Variants in BMPR1A observed in about 807,000 individuals in gnomAD.
BMPR1A encodes the protein bone morphogenetic protein receptor type 1A, also known as bone morphogenetic protein receptor type-1A.
BMPR1A carries 7 observed loss-of-function variants against 66.0 expected under a neutral mutation model. The ratio of observed to expected loss-of-function variants is 0.11; its 90% CI spans 0.06 to 0.20. The LOEUF (loss-of-function observed/expected upper bound fraction) is 0.20, where lower values mean the gene tolerates loss of function less well. Ranked by LOEUF, BMPR1A falls within the 10% of genes least tolerant of loss-of-function variation. The pLI, the probability that BMPR1A is intolerant of heterozygous loss-of-function variation, is 1.00. For synonymous variants in BMPR1A, 200 were observed against 229.7 expected, an observed-to-expected ratio of 0.87 and a Z score of 1.17; for missense variants, 408 against 669.1, an observed-to-expected ratio of 0.61 and a Z score of 4.31.
chr10:86,823,108 A>G (rs1369026452), intron 1 of BMPR1A, among the ~76,000 whole-genome samples: 3 of 152,206 alleles, frequency 2.0e-5, no homozygotes, highest in Middle Eastern at 3.2e-3. Flanking sequence ...TCTTAAATCA[A>G]CCAGCAAGTG....
chr10:86,861,397 A>G (rs995937811), intron 2 of BMPR1A, among the ~76,000 whole-genome samples: 2 of 152,154 alleles, frequency 1.3e-5, no homozygotes, highest in African/African-American at 4.8e-5. Context: ...AGAATTGTTA[A>G]AAATCTATTT....
At chr10:86,881,303 G>T (rs1237730510) in intron 3 of BMPR1A, among the ~76,000 whole-genome samples, 1 of 152,162 alleles carries the variant, frequency 6.6e-6, no homozygotes, top group African/African-American at 2.4e-5. Context: ...CATTAATTTT[G>T]AAAACTGGTA....
At chr10:86,931,298 C>CACACATATATATATATAT, downstream of BMPR1A, 22 of 90,906 alleles carry the variant, frequency 2.4e-4, no homozygotes, top group African/African-American at 9.2e-4. Flanking sequence ...CACACACACA[C>CACACATATATATATATAT]ATATATATAT....
intron 9 of BMPR1A, 53 bp downstream of exon 9, chr10:86,917,379 C>T: frequency 1.3e-6 from 2 of 1,595,838 alleles, no homozygotes; most frequent in Non-Finnish European, 8.6e-7. Flanking sequence ...TAGTGAGGTA[C>T]AGGTGGAAGC....
intron 2 of BMPR1A, among the ~76,000 whole-genome samples, chr10:86,866,226 T>G (rs1277807459): frequency 6.6e-6 from 1 of 151,084 alleles, no homozygotes; most frequent in African/African-American, 2.4e-5. Context: ...GGGAGCTTTT[T>G]TTTTTTTTTT....
intron 5 of BMPR1A, among the ~76,000 whole-genome samples, chr10:86,899,204 G>A (rs1411345321): frequency 2.6e-5 from 4 of 152,322 alleles, no homozygotes; most frequent in Admixed American, 2.0e-4. Context: ...GTGCTGCTGC[G>A]CTTCCAGTGA....
Position 86,927,685 on chromosome 10 carries a change from A to G in BMPR1A, c.*3966A>G, listed in dbSNP as rs1843762819. 1 of 198,580 alleles carries G rather than the reference A, an allele frequency of 5.0e-6. No individual in the cohort carries two copies. The highest frequency in any genetic ancestry group is 1.0e-5 in the Non-Finnish European group (1 of 96,242). The allele number at this position is 198,580 out of a possible 1,614,324, so 12.3% of individuals were successfully genotyped here. On this transcript the variant is annotated 3_prime_UTR_variant, in exon 13 of 13. Coordinates refer to ENST00000372037, the MANE Select transcript of BMPR1A (RefSeq NM_004329.3). The stretch of plus-strand genomic sequence containing the variant: ...TAGTGACCTTTGTCCTGGCCCATTT[A>G]AAAACTAAAATGTAGTATATATTGT...
rs1748716079 is a variant in BMPR1A, at chr10:86,835,172, C to A, written c.-267-3693C>A. Among the ~76,000 whole-genome samples, 3 of 150,180 alleles carry A rather than the reference C, an allele frequency of 2.0e-5. No homozygotes were observed. In the Admixed American group the frequency reaches 2.0e-4, roughly 10 times the overall value. The stretch of plus-strand genomic sequence containing the variant: ...ATCCTTAGAGCCTGGAAGGTCAAGG[C>A]TGCTGTGAGCCATGACCGTGCCACT... On this transcript the variant is annotated intron_variant, in intron 1 of 12. Transcript: ENST00000372037.
chr10:86,761,222 A>G (rs1202285016), intron 1 of BMPR1A, among the ~76,000 whole-genome samples: 2 of 152,222 alleles, frequency 1.3e-5, no homozygotes, highest in East Asian at 1.9e-4. Flanking sequence ...ATGAGTAGAC[A>G]TTGAATAGAT....
intron 2 of BMPR1A, among the ~76,000 whole-genome samples, chr10:86,867,597 TTTG>T (rs766283900): frequency 7.2e-5 from 11 of 152,328 alleles, no homozygotes; most frequent in South Asian, 6.2e-4. Flanking sequence ...TTGTGAGACT[TTTG>T]TTGTTGTTGT....
At chr10:86,857,612 G>A (rs1842658655) in intron 2 of BMPR1A, among the ~76,000 whole-genome samples, 1 of 152,050 alleles carries the variant, frequency 6.6e-6, no homozygotes, top group African/African-American at 2.4e-5. Flanking sequence ...CTGAAAGCCT[G>A]ACTCGGGGAG....
intron 1 of BMPR1A, among the ~76,000 whole-genome samples, chr10:86,829,291 A>G (rs1419460245): frequency 1.3e-5 from 2 of 152,178 alleles, no homozygotes; most frequent in East Asian, 3.8e-4. Context: ...TATATCTCGT[A>G]TAGTCCTTGA....
At position 86,923,490 on chromosome 10, in the gene BMPR1A, G is replaced by A. The variant is rs752802257; in HGVS notation, c.1457G>A (p.Arg486Gln). 8 of 1,614,010 alleles carry A rather than the reference G, an allele frequency of 5.0e-6. No homozygotes were observed. The highest frequency in any genetic ancestry group is 4.4e-5 in the South Asian group (4 of 91,092). Reference sequence around the variant, plus strand: ...CGTTTGCGGCCAATTGTGTCTAATCGGTGGAACAGTGATGAAGTGAGTGGA... The same window carrying A: ...CGTTTGCGGCCAATTGTGTCTAATCAGTGGAACAGTGATGAAGTGAGTGGA... ...VKRLRPIVSNRWNSDECLRAV... is the reference protein window; with the variant it reads ...VKRLRPIVSNQWNSDECLRAV... Residue 486 changes from arginine (R) to glutamine (Q), a missense_variant, in exon 12 of 13, where the codon CGG (arginine) becomes CAG (glutamine). Arg to Gln is a conservative substitution (Grantham distance 43, BLOSUM62 1). Transcript: ENST00000372037.
intron 2 of BMPR1A, among the ~76,000 whole-genome samples, chr10:86,873,128 G>T (rs1423505584): frequency 6.6e-6 from 1 of 152,126 alleles, no homozygotes; most frequent in East Asian, 1.9e-4. Flanking sequence ...ATGAGACAAG[G>T]CCACATATTA....
rs1473085602 is a variant in BMPR1A, at chr10:86,792,054, CTGTCAGATCT to C, written c.-268+35137_-268+35146del. ...TTTTTACCTTTAATGTTGTTAATTA[CTGTCAGATCT>C]TTTTTTTTTTTTTTTTTTTTTTTAG... On this transcript the variant is annotated intron_variant, in intron 1 of 12. Coordinates refer to ENST00000372037, the MANE Select transcript of BMPR1A (RefSeq NM_004329.3). 2.1e-5 allele frequency among the ~76,000 whole-genome samples: 3 copies of C among 142,804 alleles called. No individual in the cohort carries two copies. The East Asian group carries it at 6.6e-4, about 31-fold the overall frequency. The allele number at this position is 142,804 out of a possible 152,430, so 93.7% of individuals were successfully genotyped here. A position where few individuals can be genotyped will look rare whatever the true frequency, so the allele number is the denominator to read the frequency against.
At chr10:86,871,776 T>G (rs1054255468) in intron 2 of BMPR1A, among the ~76,000 whole-genome samples, 1 of 150,552 alleles carries the variant, frequency 6.6e-6, no homozygotes, top group African/African-American at 2.4e-5. Flanking sequence ...CACTTCAGCC[T>G]GGGCAACAGA....
intron 7 of BMPR1A, among the ~76,000 whole-genome samples, chr10:86,904,433 T>A (rs977816523): frequency 6.6e-6 from 1 of 152,178 alleles, no homozygotes; most frequent in African/African-American, 2.4e-5. Flanking sequence ...GTCAAGAAGA[T>A]AGCGAACCAA....
chr10:86,824,307 C>T (rs117392619), intron 1 of BMPR1A, among the ~76,000 whole-genome samples: 4,283 of 152,144 alleles, frequency 0.028, 91 homozygotes, highest in Non-Finnish European at 0.041. Context: ...CTCCTCAGAA[C>T]CTGTTGTTGC....
intron 7 of BMPR1A, among the ~76,000 whole-genome samples, chr10:86,911,473 A>G (rs117922153): frequency 0.046 from 6,983 of 152,268 alleles, 206 homozygotes; most frequent in South Asian, 0.078. Context: ...TTGATCAGGC[A>G]TAGTGTCTCA....
Sources: allele counts gnomAD v4.1 joint callset (sites outside exome capture counted in the v4.1 genomes callset), GRCh38; gene constraint gnomAD v4.1.1; transcripts MANE v1.5; gene names NCBI Gene and HGNC (gene_info 2026-07-23, HGNC 2026-07-21).